The following CIMAP1D variants were observed in gnomAD, a reference collection of about 807,000 sequenced individuals.
CIMAP1D encodes protein CIMAP1D.
chr19:489,713 C>T, the CIMAP1D span: 5 of 280,866 alleles, frequency 1.8e-5, no homozygotes, highest in East Asian at 2.5e-4. Context: ...AGGGTTAGTG[C>T]CTCCTGGGGG....
At chr19:471,202 G>A in the CIMAP1D span, among the ~76,000 whole-genome samples, 3 of 152,188 alleles carry the variant, frequency 2.0e-5, no homozygotes, top group African/African-American at 4.8e-5. Flanking sequence ...AGGCTGGAGT[G>A]CAATGGCATG....
At chr19:488,201 T>C in the CIMAP1D span, among the ~76,000 whole-genome samples, 1 of 151,976 alleles carries the variant, frequency 6.6e-6, no homozygotes, top group Non-Finnish European at 1.5e-5. Context: ...TCTGCGGCTC[T>C]TCCTGCTACA....
the CIMAP1D span, chr19:474,554 G>A: frequency 1.5e-6 from 2 of 1,363,044 alleles, no homozygotes; most frequent in Non-Finnish European, 1.9e-6. Flanking sequence ...GAACATTCCA[G>A]AAGCCCCAGA....
At chr19:486,643 G>A in the CIMAP1D span, among the ~76,000 whole-genome samples, 4,326 of 151,832 alleles carry the variant, frequency 0.028, 110 homozygotes, top group South Asian at 0.11. Context: ...GGCCGGGAGC[G>A]GTGGCTCACG....
the CIMAP1D span, chr19:464,084 C>A: frequency 6.5e-7 from 1 of 1,531,652 alleles, no homozygotes; most frequent in Non-Finnish European, 8.7e-7. Context: ...TGTTTGCGTC[C>A]GGGCTGTCGT....
At chr19:473,257 T>A in the CIMAP1D span, among the ~76,000 whole-genome samples, 1 of 16,020 alleles carries the variant, frequency 6.2e-5, no homozygotes. Context: ...GACTGAGGCC[T>A]GAGCCTCCCA....
chr19:485,661 C>T, the CIMAP1D span, among the ~76,000 whole-genome samples: 2 of 152,232 alleles, frequency 1.3e-5, no homozygotes, highest in South Asian at 4.1e-4. Context: ...GCCACGGTGC[C>T]AGCCCCAAGT....
chr19:481,223 GGGAA>G, the CIMAP1D span, among the ~76,000 whole-genome samples: 1 of 102,100 alleles, frequency 9.8e-6, no homozygotes, highest in Non-Finnish European at 1.6e-5. Flanking sequence ...AAGGATGATG[GGGAA>G]GGATGATGGG....
the CIMAP1D span, among the ~76,000 whole-genome samples, chr19:466,018 GTGGATAGATGGA>G: frequency 2.1e-5 from 3 of 143,152 alleles, no homozygotes; most frequent in African/African-American, 8.1e-5. Context: ...GGAAGGACGG[GTGGATAGATGGA>G]TGGGTGGGTG....
chr19:464,126 C>G, the CIMAP1D span: 2 of 1,283,160 alleles, frequency 1.6e-6, no homozygotes, highest in South Asian at 4.1e-5. Context: ...CAGCAGGATC[C>G]TGCGGGGGGC....
At chr19:476,515 T>C in the CIMAP1D span, among the ~76,000 whole-genome samples, 6 of 152,186 alleles carry the variant, frequency 3.9e-5, no homozygotes, top group Non-Finnish European at 8.8e-5. Context: ...AACAGCTTTA[T>C]TGATATAATT....
At chr19:466,824 G>A in the CIMAP1D span, among the ~76,000 whole-genome samples, 1 of 90,990 alleles carries the variant, frequency 1.1e-5, no homozygotes, top group African/African-American at 4.5e-5. Flanking sequence ...GGAAGGATGG[G>A]TGGATAGATG....
At chr19:475,904 G>T in the CIMAP1D span, among the ~76,000 whole-genome samples, 2,637 of 150,092 alleles carry the variant, frequency 0.018, 86 homozygotes, top group African/African-American at 0.061. Context: ...CTCCTGAGTA[G>T]CTGAGATTAC....
chr19:466,093 C>G, the CIMAP1D span, among the ~76,000 whole-genome samples: 13,012 of 66,032 alleles, frequency 0.2, no homozygotes, highest in East Asian at 0.33. Context: ...TGGTTGGGTG[C>G]AGGGTGGATG....
the CIMAP1D span, among the ~76,000 whole-genome samples, chr19:473,111 T>A: frequency 1.7e-5 from 2 of 114,644 alleles, no homozygotes; most frequent in African/African-American, 6.9e-5. Flanking sequence ...CGGTCACAGA[T>A]CGGGAAACTG....
chr19:480,989 C>T, the CIMAP1D span, among the ~76,000 whole-genome samples: 21 of 68,578 alleles, frequency 3.1e-4, no homozygotes, highest in African/African-American at 1.5e-3. Context: ...TGATGGAGAA[C>T]GATGATGGAA....
the CIMAP1D span, among the ~76,000 whole-genome samples, chr19:472,030 G>A: frequency 6.6e-6 from 1 of 152,238 alleles, no homozygotes; most frequent in Non-Finnish European, 1.5e-5. Flanking sequence ...TCAGGCGTGA[G>A]CCACCGCACC....
chr19:470,432 C>T, the CIMAP1D span, among the ~76,000 whole-genome samples: 1 of 151,748 alleles, frequency 6.6e-6, no homozygotes, highest in Non-Finnish European at 1.5e-5. Flanking sequence ...AGGATGGTCT[C>T]GATCTCCTGA....
the CIMAP1D span, chr19:464,368 A>G: frequency 4.6e-6 from 7 of 1,520,320 alleles, no homozygotes; most frequent in East Asian, 1.7e-4. Flanking sequence ...TCCGGACCTG[A>G]GAGAGTGGGG....
Sources: allele counts gnomAD v4.1 joint callset (sites outside exome capture counted in the v4.1 genomes callset), GRCh38; gene constraint gnomAD v4.1.1; transcripts MANE v1.5; gene names NCBI Gene and HGNC (gene_info 2026-07-23, HGNC 2026-07-21).